The following ATF1 variants were observed in gnomAD, a reference collection of about 807,000 sequenced individuals.
ATF1 encodes the protein activating transcription factor 1.
ATF1 carries 16 observed loss-of-function variants against 34.7 expected under a neutral mutation model. That is an observed-to-expected ratio of 0.46 (90% confidence interval 0.31 to 0.70). ATF1 has a LOEUF of 0.70. Ranked by LOEUF, ATF1 falls within the 30% of genes least tolerant of loss-of-function variation. The pLI is 0.05. For synonymous variants in ATF1, 105 were observed against 113.1 expected, an observed-to-expected ratio of 0.93 and a Z score of 0.46; for missense variants, 255 against 321.6, an observed-to-expected ratio of 0.79 and a Z score of 1.58.
At chr12:50,768,230 C>T (rs896407649) in intron 1 of ATF1, among the ~76,000 whole-genome samples, 2 of 152,104 alleles carry the variant, frequency 1.3e-5, no homozygotes, top group African/African-American at 2.4e-5. Context: ...GGAAGTAAGT[C>T]GTTTCTGGTT....
intron 2 of ATF1, among the ~76,000 whole-genome samples, chr12:50,784,395 G>C (rs1941139442): frequency 6.6e-6 from 1 of 152,060 alleles, no homozygotes. Context: ...TTTTATACAA[G>C]GTAGACAGAG....
intron 1 of ATF1, among the ~76,000 whole-genome samples, chr12:50,777,628 C>G (rs887430421): frequency 7.9e-5 from 12 of 151,456 alleles, no homozygotes; most frequent in Non-Finnish European, 1.3e-4. Flanking sequence ...AGACCCCCCC[C>G]AAATTAACAA....
intron 2 of ATF1, among the ~76,000 whole-genome samples, chr12:50,794,011 C>T (rs1300589375): frequency 2.0e-5 from 3 of 151,764 alleles, no homozygotes; most frequent in Admixed American, 6.6e-5. Flanking sequence ...AGTGCAGTGG[C>T]GCGATCTCGG....
chr12:50,793,256 A>C (rs1467156061), intron 2 of ATF1, among the ~76,000 whole-genome samples: 1 of 152,080 alleles, frequency 6.6e-6, no homozygotes, highest in East Asian at 1.9e-4. Context: ...TTTACAATTT[A>C]TTTTCTTAAG....
intron 3 of ATF1, chr12:50,806,347 T>C (rs1227319642): frequency 4.0e-6 from 2 of 494,246 alleles, no homozygotes; most frequent in Non-Finnish European, 8.3e-6. Context: ...TGGCTGTCAT[T>C]GACACCAGAT....
chr12:50,813,849 C>G (rs1941786739), intron 4 of ATF1, among the ~76,000 whole-genome samples, 161 bp from the exon 5 acceptor site: 1 of 152,038 alleles, frequency 6.6e-6, no homozygotes, highest in African/African-American at 2.4e-5. Flanking sequence ...CTGTTTTATT[C>G]CTTTTACATG....
At chr12:50,797,062 A>C (rs1941422286) in intron 3 of ATF1, among the ~76,000 whole-genome samples, 1 of 152,326 alleles carries the variant, frequency 6.6e-6, no homozygotes. Flanking sequence ...GAACCTGAGG[A>C]TACAGCTCTG....
intron 2 of ATF1, among the ~76,000 whole-genome samples, chr12:50,785,284 T>TACAC (rs56040362): frequency 5.9e-4 from 76 of 128,488 alleles, no homozygotes; most frequent in African/African-American, 1.9e-3. Context: ...TATATATACA[T>TACAC]ACACACACAC....
At chr12:50,818,853 G>A (rs1489173676) in intron 6 of ATF1, among the ~76,000 whole-genome samples, 1 of 152,266 alleles carries the variant, frequency 6.6e-6, no homozygotes, top group African/African-American at 2.4e-5. Context: ...TGATCTGCCC[G>A]CCTTGGCCTC....
chr12:50,817,712 C>T (rs1324568451), intron 6 of ATF1, among the ~76,000 whole-genome samples: 1 of 151,978 alleles, frequency 6.6e-6, no homozygotes, highest in Non-Finnish European at 1.5e-5. Context: ...ATATTTGCAA[C>T]TTTTATATAA....
chr12:50,785,417 G>A (rs78168761), intron 2 of ATF1, among the ~76,000 whole-genome samples: 1 of 151,698 alleles, frequency 6.6e-6, no homozygotes, highest in South Asian at 2.1e-4. Flanking sequence ...GGGGAATGTT[G>A]GCAATCAGGA....
At position 50,819,639 on chromosome 12, in the gene ATF1, G is replaced by A; in HGVS notation, c.676G>A (p.Ala226Thr). 1 of 1,612,284 alleles carries A rather than the reference G, an allele frequency of 6.2e-7. No individual in the cohort carries two copies. The highest frequency in any genetic ancestry group is 8.5e-7 in the Non-Finnish European group (1 of 1,179,568). Residue 226 changes from alanine to threonine, a missense_variant, in exon 7 of 7, where the codon GCT becomes ACT. Transcript: ENST00000262053. ...TTTTTTAATGCTCATATTTAGAGAAGCTGCTCGAGAATGTCGCAGAAAGAA... is the reference window on the plus strand; with the variant it reads ...TTTTTTAATGCTCATATTTAGAGAAACTGCTCGAGAATGTCGCAGAAAGAA... ...REIRLMKNRE[A>T]ARECRRKKKE...
intron 2 of ATF1, among the ~76,000 whole-genome samples, chr12:50,788,053 T>C (rs2139660632): frequency 6.6e-6 from 1 of 152,230 alleles, no homozygotes; most frequent in Middle Eastern, 3.4e-3. Context: ...TGAAGAGGGA[T>C]TGTCAGTGAG....
At chr12:50,766,890 A>T (rs769952772) in intron 1 of ATF1, among the ~76,000 whole-genome samples, 9 of 152,152 alleles carry the variant, frequency 5.9e-5, no homozygotes, top group South Asian at 2.1e-4. Context: ...TAGAGGCCAC[A>T]TGTTGAAACT....
At chr12:50,771,249 A>G (rs1334747466) in intron 1 of ATF1, among the ~76,000 whole-genome samples, 1 of 151,950 alleles carries the variant, frequency 6.6e-6, no homozygotes, top group Non-Finnish European at 1.5e-5. Flanking sequence ...CAGGTAATCC[A>G]CCTGCCTCGG....
In ATF1 at chr12:50,778,385, C is replaced by T. The variant is rs146834439; in HGVS notation, c.-6-1755C>T. 1.7e-3 allele frequency among the ~76,000 whole-genome samples: 262 copies of T among 151,646 alleles called. 1 individual carries two copies. The South Asian group carries it at 0.031, about 18-fold the overall frequency. On this transcript the variant is annotated intron_variant, in intron 1 of 6. Transcript: ENST00000262053. ...GGACTGCAGGCACCTGCCCCCGTGC[C>T]GAGCTAATTTTTTATTTTTAGTAGA...
rs1442979554 is a variant in ATF1, at chr12:50,814,267, G to C, written c.512-13G>C. 6.2e-7 allele frequency: 1 copy of C among 1,614,006 alleles called. No homozygotes were observed. Among genetic ancestry groups the C allele is most frequent in the Non-Finnish European group, 8.5e-7 (1 of 1,179,982 alleles). On this transcript the variant is annotated splice_polypyrimidine_tract_variant and intron_variant, in intron 5 of 6. Coordinates refer to ENST00000262053, the MANE Select transcript of ATF1 (RefSeq NM_005171.5). The stretch of plus-strand genomic sequence containing the variant: ...CTTACTAACTAACTCATTCACTCTT[G>C]TTTACCATCTAGCTGCATCAGGAGA...
chr12:50,808,591 A>G (rs1941666264), intron 3 of ATF1, among the ~76,000 whole-genome samples: 1 of 151,898 alleles, frequency 6.6e-6, no homozygotes, highest in Admixed American at 6.6e-5. Flanking sequence ...CAGCCTCCCA[A>G]AGTGTTGGGA....
intron 2 of ATF1, among the ~76,000 whole-genome samples, chr12:50,788,957 A>G (rs1286025041): frequency 6.6e-6 from 1 of 152,204 alleles, no homozygotes; most frequent in Non-Finnish European, 1.5e-5. Context: ...TAAGTGCAAG[A>G]AGGCTGTGAT....
Sources: gnomAD v4.1 joint callset for allele counts (sites outside exome capture counted in the v4.1 genomes callset) on GRCh38, gnomAD v4.1.1 for gene constraint, MANE v1.5 for transcripts, NCBI Gene and HGNC (gene_info 2026-07-23, HGNC 2026-07-21) for gene names.